EHMT1: variants seen among roughly 807,000 people sequenced by gnomAD.
EHMT1 encodes the protein histone-lysine N-methyltransferase EHMT1.
EHMT1 carries 15 observed loss-of-function variants against 147.2 expected under a neutral mutation model. The observed-to-expected ratio is 0.10, with a 90% CI of 0.07 to 0.16. The LOEUF is 0.16. Ranked by LOEUF, EHMT1 falls within the 10% of genes least tolerant of loss-of-function variation. EHMT1 has a pLI of 1.00. For synonymous variants in EHMT1, 795 were observed against 709.6 expected (o/e 1.12, Z -1.91); for missense variants, 1,587 against 1,772.4 (o/e 0.90, Z 1.88).
intron 18 of EHMT1, among the ~76,000 whole-genome samples, chr9:137,809,065 G>T (rs556096897): frequency 3.3e-5 from 5 of 152,366 alleles, no homozygotes; most frequent in African/African-American, 1.2e-4. Flanking sequence ...GAAACAAAGA[G>T]CAGAGGGGTG....
rs1454688455 is a variant in EHMT1, at chr9:137,717,626, AG to A, written c.642+445del. Among the ~76,000 whole-genome samples the A allele has an allele frequency of 2.0e-3, 280 of 140,296 alleles. 1 individual carries two copies. Among genetic ancestry groups the A allele is most frequent in the Non-Finnish European group, 2.8e-3 (183 of 65,060 alleles). 92.0% of individuals were successfully genotyped at this position (140,296 alleles called of 152,430 possible). A position where few individuals can be genotyped will look rare whatever the true frequency, so the allele number is the denominator to read the frequency against. ...GTCTCAAAAAAAAAAAAAAAAAAAA[AG>A]AGATGCTGCTAATGCCTTGTGCGTG... On this transcript the variant is annotated intron_variant, in intron 3 of 26. Coordinates refer to ENST00000460843, the MANE Select transcript of EHMT1 (RefSeq NM_024757.5).
intron 15 of EHMT1, chr9:137,784,407 G>A (rs938729014): frequency 2.9e-5 from 35 of 1,222,654 alleles, no homozygotes; most frequent in Non-Finnish European, 3.6e-5. Flanking sequence ...CCAGCCTTTT[G>A]AAGCCAATAC....
chr9:137,654,823 G>T (rs942330215), intron 1 of EHMT1, among the ~76,000 whole-genome samples: 5 of 152,140 alleles, frequency 3.3e-5, no homozygotes, highest in African/African-American at 1.2e-4. Context: ...AGTGCACATG[G>T]TTCTGAGCCC....
chr9:137,769,064 TC>T (rs1215947526), intron 10 of EHMT1, among the ~76,000 whole-genome samples: 1 of 152,204 alleles, frequency 6.6e-6, no homozygotes, highest in East Asian at 1.9e-4. Flanking sequence ...TGAACTTTTT[TC>T]TAATGTTTTG....
At chr9:137,663,190 T>C (rs537675567) in intron 1 of EHMT1, among the ~76,000 whole-genome samples, 1 of 152,336 alleles carries the variant, frequency 6.6e-6, no homozygotes, top group African/African-American at 2.4e-5. Flanking sequence ...TGTTATTCAT[T>C]TGTACCTTCT....
intron 23 of EHMT1, chr9:137,817,123 A>C (rs1485491812): frequency 7.8e-5 from 34 of 433,844 alleles, no homozygotes; most frequent in Non-Finnish European, 1.4e-4. Flanking sequence ...TAGTATTAGC[A>C]CCTCTGCCCC....
chr9:137,828,201 G>A lies in EHMT1; in HGVS notation c.3541-6148G>A, dbSNP rs1387177899. Among the ~76,000 whole-genome samples the A allele has an allele frequency of 6.6e-6, 1 of 152,146 alleles. No individual in the cohort carries two copies. The highest frequency in any genetic ancestry group is 1.5e-5 in the Non-Finnish European group (1 of 68,010). ...CCCAGGGGGGTGCTGGCGGGCATCAGGGAAGTCCCGGTGACAAGGGGCATC... is the reference window on the plus strand; with the variant it reads ...CCCAGGGGGGTGCTGGCGGGCATCAAGGAAGTCCCGGTGACAAGGGGCATC... On this transcript the variant is annotated intron_variant, in intron 25 of 26. Transcript: ENST00000460843. This position sits in a 1 kb window ranked among gnomAD's most constrained non-coding sequence, Gnocchi z 5.3.
In EHMT1 at chr9:137,711,035, G is replaced by A. The variant is rs2135389328; in HGVS notation, c.85+5G>A. 2 of 1,588,204 alleles carry A rather than the reference G, an allele frequency of 1.3e-6. No individual in the cohort carries two copies. The highest frequency in any genetic ancestry group is 1.7e-6 in the Non-Finnish European group (2 of 1,168,058). Reference sequence around the variant, plus strand: ...AAACCGAGCTGCTGGGAGAAGGTGAGGGCGGTGTGCACCGAGGGACAGGAG... The same window carrying A: ...AAACCGAGCTGCTGGGAGAAGGTGAAGGCGGTGTGCACCGAGGGACAGGAG... On this transcript the variant is annotated splice_donor_5th_base_variant and intron_variant, in intron 2 of 26. Transcript: ENST00000460843.
intron 1 of EHMT1, among the ~76,000 whole-genome samples, chr9:137,679,620 A>G (rs1941743628): frequency 6.6e-6 from 1 of 152,130 alleles, no homozygotes; most frequent in Non-Finnish European, 1.5e-5. Context: ...ATGCCTGTTT[A>G]ATTCATTTGC....
intron 1 of EHMT1, among the ~76,000 whole-genome samples, chr9:137,684,057 C>G (rs1051633533): frequency 4.6e-5 from 7 of 151,620 alleles, no homozygotes; most frequent in African/African-American, 1.7e-4. Context: ...TTTTTTGAGA[C>G]AGGGCCTCAC....
At chr9:137,728,217 T>C in intron 3 of EHMT1, 132 bp from the exon 4 acceptor site, 2 of 1,323,218 alleles carry the variant, frequency 1.5e-6, no homozygotes, top group African/African-American at 1.4e-5. Context: ...GCAGACTTTC[T>C]CCTCTCTCCA....
chr9:137,746,956 A>C (rs557983011), intron 6 of EHMT1: 2 of 151,928 alleles, frequency 1.3e-5, no homozygotes, highest in East Asian at 3.9e-4. Context: ...ACAAAAGCAA[A>C]GCCAAGAAGA....
chr9:137,799,776 G>A (rs1953294011), intron 17 of EHMT1, among the ~76,000 whole-genome samples: 1 of 152,262 alleles, frequency 6.6e-6, no homozygotes, highest in South Asian at 2.1e-4. Flanking sequence ...CCCATGGGCT[G>A]GAAGCAGCAG....
intron 13 of EHMT1, among the ~76,000 whole-genome samples, chr9:137,778,887 C>T (rs1441718709): frequency 6.6e-6 from 1 of 152,222 alleles, no homozygotes. Flanking sequence ...CAGGAAGCTA[C>T]AGTCATGGTG....
At chr9:137,698,972 A>C (rs936043315) in intron 1 of EHMT1, among the ~76,000 whole-genome samples, 20 of 149,950 alleles carry the variant, frequency 1.3e-4, no homozygotes, top group African/African-American at 4.7e-4. Context: ...GTAGAAATTG[A>C]TGGGGCAGGA....
At chr9:137,623,468 G>T (rs1169546174) in intron 1 of EHMT1, among the ~76,000 whole-genome samples, 3 of 151,568 alleles carry the variant, frequency 2.0e-5, no homozygotes, top group Non-Finnish European at 4.4e-5. Flanking sequence ...AGGCTGGAGT[G>T]CAGTGGCACT....
At chr9:137,667,623 A>C (rs1281950836) in intron 1 of EHMT1, 1 of 152,144 alleles carries the variant, frequency 6.6e-6, no homozygotes, top group Non-Finnish European at 1.5e-5. Flanking sequence ...GTGGTGGTGG[A>C]TTTTAGCATT....
chr9:137,675,179 T>C (rs1342093913), intron 1 of EHMT1: 1 of 152,170 alleles, frequency 6.6e-6, no homozygotes, highest in Non-Finnish European at 1.5e-5. Flanking sequence ...CCATGGGCAG[T>C]GGGAAGCCAC....
Position 137,814,412 on chromosome 9 carries a change from C to T in EHMT1, c.3181-19C>T. ...GGCCTGTGCCTGCACGTCTGACCCC[C>T]CGGCGCCTCTCTTCTCAGTACTGCG... On this transcript the variant is annotated intron_variant, in intron 21 of 26. Coordinates refer to ENST00000460843, the MANE Select transcript of EHMT1 (RefSeq NM_024757.5). 1 of 1,611,758 alleles carries T rather than the reference C, an allele frequency of 6.2e-7. No individual in the cohort carries two copies. The highest frequency in any genetic ancestry group is 2.2e-5 in the East Asian group (1 of 44,866).
Sources: allele counts gnomAD v4.1 joint callset (sites outside exome capture counted in the v4.1 genomes callset), GRCh38; gene constraint gnomAD v4.1.1; non-coding constraint Gnocchi (gnomAD v3.1); transcripts MANE v1.5; gene names NCBI Gene and HGNC (gene_info 2026-07-23, HGNC 2026-07-21).